The following AHI1 variants were observed in gnomAD, a reference collection of about 807,000 sequenced individuals.
The protein encoded by AHI1 is Abelson helper integration site 1.
In AHI1, 123 loss-of-function variants were observed where a neutral mutation model predicts 149.3. The observed-to-expected ratio is 0.82, with a 90% CI of 0.71 to 0.96. The LOEUF is 0.96. Among genes scored for constraint, AHI1 ranks in the 40% least tolerant of loss-of-function variants. The probability of loss-of-function intolerance (pLI) is 0.00; values close to 1 mark genes in which losing one functional copy is unlikely to be tolerated. For missense variants in AHI1, 1,439 were observed against 1,422.7 expected (o/e 1.01, Z -0.18); for synonymous variants, 475 against 459.8 (o/e 1.03, Z -0.42).
chr6:135,376,680 G>A (rs924959187), intron 23 of AHI1, among the ~76,000 whole-genome samples: 1 of 151,572 alleles, frequency 6.6e-6, no homozygotes, highest in Admixed American at 6.6e-5. Context: ...TCAGGAGTTC[G>A]AGACCAGCCT....
Position 135,433,124 on chromosome 6 carries a change from C to T in AHI1, c.2169G>A (p.Arg723=). 2 of 1,613,340 alleles carry T rather than the reference C, an allele frequency of 1.2e-6. No homozygotes were observed. Among genetic ancestry groups the T allele is most frequent in the Non-Finnish European group, 1.7e-6 (2 of 1,179,398 alleles). ...VVTGCYDSMI[R]IWKVEMREDS... ...CTTCTCTCATCTCAACTTTCCATATCCGTATCATGGAATCATAGCATCCTG... is the reference window on the plus strand; with the variant it reads ...CTTCTCTCATCTCAACTTTCCATATTCGTATCATGGAATCATAGCATCCTG... The change falls in exon 16 of 29, where the codon CGG becomes CGA. Residue 723 remains arginine (R), a synonymous_variant. Transcript: ENST00000265602.
chr6:135,473,151 A>G (rs1792022267), intron 5 of AHI1, among the ~76,000 whole-genome samples: 1 of 152,154 alleles, frequency 6.6e-6, no homozygotes, highest in Non-Finnish European at 1.5e-5. Context: ...ACATGATCCC[A>G]AGTTTATTAT....
At chr6:135,493,089 C>A (rs1219494906) in intron 3 of AHI1, 5 of 501,018 alleles carry the variant, frequency 1.0e-5, no homozygotes, top group Non-Finnish European at 1.3e-5. Flanking sequence ...ACCTCCGCCT[C>A]CCAGGTTCAA....
intron 14 of AHI1, 146 bp downstream of exon 14, chr6:135,442,436 A>G (rs1162336607): frequency 2.4e-6 from 2 of 836,420 alleles, no homozygotes; most frequent in African/African-American, 3.5e-5. Context: ...ATTACAAAAG[A>G]ACTTTCTTTG....
At chr6:135,405,498 A>T (rs1327738239) in intron 21 of AHI1, among the ~76,000 whole-genome samples, 1 of 152,148 alleles carries the variant, frequency 6.6e-6, no homozygotes, top group Admixed American at 6.6e-5. Flanking sequence ...ATCATTTTGA[A>T]AGAGAAACTA....
rs187848671 is a variant in AHI1, at chr6:135,285,842, G to A, written c.3589-195C>T. ...CTAGTTTGCCTCTCAAACATTGTTA[G>A]CATCTTTTTGTATCATTAGCAATTG... On this transcript the variant is annotated intron_variant, in intron 28 of 28. Transcript: ENST00000265602. Among the ~76,000 whole-genome samples, 888 of 152,314 alleles carry A rather than the reference G, an allele frequency of 5.8e-3. 8 individuals carry two copies. The highest frequency in any genetic ancestry group is 0.033 in the South Asian group (157 of 4,826).
chr6:135,477,112 C>A (rs1230330874), intron 5 of AHI1, among the ~76,000 whole-genome samples: 1 of 149,698 alleles, frequency 6.7e-6, no homozygotes, highest in African/African-American at 2.5e-5. Flanking sequence ...GTGATCTCGG[C>A]TCACTGCAAG....
Position 135,363,315 on chromosome 6 carries a change from T to C in AHI1, c.3110-5128A>G, listed in dbSNP as rs199841442. Among the ~76,000 whole-genome samples the C allele has an allele frequency of 8.4e-3, 1,277 of 151,614 alleles. 25 individuals carry two copies. Among genetic ancestry groups the C allele is most frequent in the East Asian group, 0.076 (395 of 5,164 alleles). On this transcript the variant is annotated intron_variant, in intron 23 of 28. Coordinates refer to ENST00000265602, the MANE Select transcript of AHI1 (RefSeq NM_001134831.2). ...CACATCTTGCACCGCCCTTAATCCATTCAACCCTGAGTGGATACAGCACAT... is the reference window on the plus strand; with the variant it reads ...CACATCTTGCACCGCCCTTAATCCACTCAACCCTGAGTGGATACAGCACAT...
At chr6:135,403,550 T>G (rs1780319210) in intron 22 of AHI1, among the ~76,000 whole-genome samples, 2 of 152,212 alleles carry the variant, frequency 1.3e-5, no homozygotes, top group African/African-American at 4.8e-5. Flanking sequence ...TGCAGGACAC[T>G]TTATTCTCTG....
At chr6:135,454,122 T>A (rs1254086575) in intron 10 of AHI1, among the ~76,000 whole-genome samples, 1 of 152,108 alleles carries the variant, frequency 6.6e-6, no homozygotes, top group Non-Finnish European at 1.5e-5. Flanking sequence ...TTTACAGATA[T>A]AATACATGCT....
At chr6:135,365,730 T>C (rs1276353281) in intron 23 of AHI1, among the ~76,000 whole-genome samples, 1 of 152,224 alleles carries the variant, frequency 6.6e-6, no homozygotes, top group African/African-American at 2.4e-5. Context: ...TTTAGCGTTT[T>C]CTAGGTATAC....
At chr6:135,485,477 C>T (rs74468877) in intron 5 of AHI1, among the ~76,000 whole-genome samples, 1,860 of 152,250 alleles carry the variant, frequency 0.012, 46 homozygotes, top group African/African-American at 0.043. Flanking sequence ...CACTGGAAAC[C>T]ATTACAATTG....
intron 23 of AHI1, among the ~76,000 whole-genome samples, chr6:135,387,514 CTAAAGTTTGGAAAGT>C (rs1486745468): frequency 3.9e-5 from 6 of 152,140 alleles, no homozygotes; most frequent in Non-Finnish European, 8.8e-5. Context: ...GTGTAGAAAG[CTAAAGTTTGGAAAGT>C]TAAGTGTTCT....
At chr6:135,337,565 C>A (rs1789585721) in intron 24 of AHI1, among the ~76,000 whole-genome samples, 1 of 151,558 alleles carries the variant, frequency 6.6e-6, no homozygotes, top group South Asian at 2.1e-4. Flanking sequence ...TTGAGACCAA[C>A]CTGGGCAACA....
intron 23 of AHI1, among the ~76,000 whole-genome samples, chr6:135,370,337 G>A (rs1582871179): frequency 6.6e-6 from 1 of 152,192 alleles, no homozygotes; most frequent in African/African-American, 2.4e-5. Flanking sequence ...AACTTCTAGA[G>A]ATTATGGGAA....
At chr6:135,448,186 A>G in intron 12 of AHI1, 104 bp downstream of exon 12, 1 of 745,816 alleles carries the variant, frequency 1.3e-6, no homozygotes, top group South Asian at 6.3e-5. Context: ...AATCTATTAA[A>G]ATTATTATTA....
At chr6:135,428,825 T>A (rs1784264278) in intron 18 of AHI1, 66 bp from the exon 19 acceptor site, 2 of 1,402,526 alleles carry the variant, frequency 1.4e-6, no homozygotes, top group African/African-American at 2.9e-5. Flanking sequence ...TGGTATAAAA[T>A]CTTTTCTCTT....
In AHI1 at chr6:135,472,018, C is replaced by CAAAAAAAAAAAAAAAAAAA. The variant is rs541390652; in HGVS notation, c.136-4403_136-4385dup. Among the ~76,000 whole-genome samples, 13 of 54,418 alleles carry CAAAAAAAAAAAAAAAAAAA rather than the reference C, an allele frequency of 2.4e-4. 1 individual carries two copies. The highest frequency in any genetic ancestry group is 7.5e-4 in the East Asian group (1 of 1,336). 35.7% of individuals were successfully genotyped at this position (54,418 alleles called of 152,430 possible). ...TGGGCGACAGAGCGAGACTCCGTCT[C>CAAAAAAAAAAAAAAAAAAA]AAAAAAAAAAAAAAAAAAAAAAAAA... On this transcript the variant is annotated intron_variant, in intron 5 of 28. Transcript: ENST00000265602.
intron 11 of AHI1, among the ~76,000 whole-genome samples, chr6:135,449,673 T>C (rs79230580): frequency 0.011 from 1,600 of 152,224 alleles, 14 homozygotes; most frequent in Non-Finnish European, 0.017. Context: ...TGTAGACTTA[T>C]GTAACTTGGA....
Sources: allele counts gnomAD v4.1 joint callset (sites outside exome capture counted in the v4.1 genomes callset), GRCh38; gene constraint gnomAD v4.1.1; transcripts MANE v1.5; gene names NCBI Gene and HGNC (gene_info 2026-07-23, HGNC 2026-07-21).